The following PCDH9 variants were observed in gnomAD, a reference collection of about 807,000 sequenced individuals.
PCDH9 encodes protocadherin 9, also known as protocadherin-9.
PCDH9 carries 24 observed loss-of-function variants against 70.6 expected under a neutral mutation model. The ratio of observed to expected loss-of-function variants is 0.34; its 90% CI spans 0.25 to 0.48. PCDH9 has a LOEUF of 0.48. PCDH9 is among the 20% of genes least tolerant of loss of function. The probability of loss-of-function intolerance (pLI) is 0.99; values close to 1 mark genes in which losing one functional copy is unlikely to be tolerated. For missense variants in PCDH9, 1,281 were observed against 1,503.6 expected (o/e 0.85, Z 2.45); for synonymous variants, 562 against 558.5 (o/e 1.01, Z -0.09).
intron 2 of PCDH9, among the ~76,000 whole-genome samples, chr13:67,118,348 G>T (rs1366271633): frequency 6.6e-6 from 1 of 152,088 alleles, no homozygotes; most frequent in African/African-American, 2.4e-5. Flanking sequence ...AGAATAAATT[G>T]CATTTTGTTT....
intron 4 of PCDH9, among the ~76,000 whole-genome samples, chr13:66,361,075 T>C (rs1489699967): frequency 6.6e-6 from 1 of 152,230 alleles, no homozygotes; most frequent in East Asian, 1.9e-4. Context: ...CATAATAACA[T>C]GGCCCTAGTG....
intron 4 of PCDH9, among the ~76,000 whole-genome samples, chr13:66,376,922 C>T (rs181826285): frequency 6.6e-6 from 1 of 152,024 alleles, no homozygotes; most frequent in African/African-American, 2.4e-5. Flanking sequence ...AACCATTTAT[C>T]TGGGATGATA....
At chr13:66,940,432 A>C (rs1295409720) in intron 2 of PCDH9, among the ~76,000 whole-genome samples, 2 of 152,142 alleles carry the variant, frequency 1.3e-5, no homozygotes, top group African/African-American at 4.8e-5. Flanking sequence ...CTGTGTTTAT[A>C]GAGAGCAATT....
At chr13:66,374,224 A>G (rs1274956010) in intron 4 of PCDH9, among the ~76,000 whole-genome samples, 1 of 152,050 alleles carries the variant, frequency 6.6e-6, no homozygotes, top group Non-Finnish European at 1.5e-5. Flanking sequence ...CAACTGTAAA[A>G]TCCAATATTT....
chr13:67,219,707 G>T (rs1049764848), intron 2 of PCDH9: 8 of 151,904 alleles, frequency 5.3e-5, no homozygotes, highest in Admixed American at 1.3e-4. Context: ...GTAATAAATT[G>T]TGGAAAAAAT....
intron 4 of PCDH9, among the ~76,000 whole-genome samples, chr13:66,608,116 G>T (rs540550075): frequency 1.9e-4 from 29 of 152,016 alleles, no homozygotes; most frequent in African/African-American, 6.7e-4. Flanking sequence ...ACTGTATTTT[G>T]TGGAATACTT....
At chr13:66,464,403 C>T (rs552505950) in intron 4 of PCDH9, among the ~76,000 whole-genome samples, 35 of 151,948 alleles carry the variant, frequency 2.3e-4, no homozygotes, top group African/African-American at 7.9e-4. Flanking sequence ...ACCTGCTGAG[C>T]AGAACACAGC....
intron 3 of PCDH9, among the ~76,000 whole-genome samples, chr13:66,675,018 G>A (rs974352515): frequency 3.3e-5 from 5 of 151,848 alleles, no homozygotes; most frequent in Admixed American, 1.3e-4. Flanking sequence ...TTTTATTTAC[G>A]AGTGCAATCT....
chr13:66,458,114 T>C (rs934660873), intron 4 of PCDH9, among the ~76,000 whole-genome samples: 1 of 152,060 alleles, frequency 6.6e-6, no homozygotes, highest in African/African-American at 2.4e-5. Context: ...TGATACCTCA[T>C]GTGAAATAAA....
chr13:66,579,157 T>C (rs967286637), intron 4 of PCDH9, among the ~76,000 whole-genome samples: 1 of 152,100 alleles, frequency 6.6e-6, no homozygotes, highest in African/African-American at 2.4e-5. Context: ...TTGTCTGTAG[T>C]TTTGGCATGC....
At chr13:66,362,369 A>G (rs1016450011) in intron 4 of PCDH9, among the ~76,000 whole-genome samples, 1 of 152,172 alleles carries the variant, frequency 6.6e-6, no homozygotes, top group African/African-American at 2.4e-5. Context: ...CAGTTTAAGC[A>G]TTAGCCAATT....
intron 4 of PCDH9, among the ~76,000 whole-genome samples, chr13:66,580,090 A>G (rs746919092): frequency 2.0e-5 from 3 of 152,096 alleles, no homozygotes; most frequent in Non-Finnish European, 4.4e-5. Context: ...CAAGTCTAAT[A>G]TAAATATGTT....
chr13:67,098,694 T>C (rs1454424328), intron 2 of PCDH9, among the ~76,000 whole-genome samples: 1 of 152,064 alleles, frequency 6.6e-6, no homozygotes, highest in Non-Finnish European at 1.5e-5. Flanking sequence ...TGGTTAAAAA[T>C]ATCATTGCTT....
intron 4 of PCDH9, among the ~76,000 whole-genome samples, chr13:66,499,528 T>G (rs1409749975): frequency 3.3e-5 from 5 of 152,206 alleles, no homozygotes; most frequent in Non-Finnish European, 5.9e-5. Flanking sequence ...ACAATGCTGT[T>G]GGAGGCATAT....
chr13:66,341,181 C>T (rs1038707843), intron 4 of PCDH9, among the ~76,000 whole-genome samples: 1 of 152,170 alleles, frequency 6.6e-6, no homozygotes, highest in African/African-American at 2.4e-5. Flanking sequence ...AGCCTGAACT[C>T]TCCTGGGCTC....
intron 4 of PCDH9, among the ~76,000 whole-genome samples, chr13:66,466,055 A>G (rs1430395278): frequency 1.3e-5 from 2 of 152,008 alleles, no homozygotes; most frequent in African/African-American, 4.8e-5. Context: ...TTCTGAAATT[A>G]CTTTTTTTCA....
intron 2 of PCDH9, among the ~76,000 whole-genome samples, chr13:67,054,505 C>A (rs1343639612): frequency 6.6e-6 from 1 of 152,074 alleles, no homozygotes; most frequent in East Asian, 1.9e-4. Flanking sequence ...TAATTAGCAG[C>A]CTCAGAAATT....
chr13:66,648,077 C>T (rs908956348), intron 3 of PCDH9, among the ~76,000 whole-genome samples: 1 of 152,210 alleles, frequency 6.6e-6, no homozygotes, highest in African/African-American at 2.4e-5. Flanking sequence ...TTTTCAATTC[C>T]AGGCTTTGGC....
intron 3 of PCDH9, among the ~76,000 whole-genome samples, chr13:66,812,969 T>G (rs2080536615): frequency 6.6e-6 from 1 of 152,166 alleles, no homozygotes; most frequent in Admixed American, 6.5e-5. Flanking sequence ...GTATCCAAAA[T>G]GAGGATAGAT....
Sources: allele counts gnomAD v4.1 joint callset (sites outside exome capture counted in the v4.1 genomes callset), GRCh38; gene constraint gnomAD v4.1.1; transcripts MANE v1.5; gene names NCBI Gene and HGNC (gene_info 2026-07-23, HGNC 2026-07-21).